LOXHD1: variants seen among roughly 807,000 people sequenced by gnomAD.
LOXHD1 encodes the protein lipoxygenase homology domain-containing protein 1.
In LOXHD1, 205 loss-of-function variants were observed where a neutral mutation model predicts 248.2. That is an observed-to-expected ratio of 0.83 (90% CI 0.74 to 0.93). The LOEUF (loss-of-function observed/expected upper bound fraction) is 0.93, where lower values mean the gene tolerates loss of function less well. Among genes scored for constraint, LOXHD1 ranks in the 40% least tolerant of loss-of-function variants. The pLI, the probability that LOXHD1 is intolerant of heterozygous loss-of-function variation, is 0.00. For missense variants in LOXHD1, 2,930 were observed against 2,971.6 expected (o/e 0.99, Z 0.33); for synonymous variants, 1,113 against 1,162.8 (o/e 0.96, Z 0.87).
chr18:46,656,846 AC>A (rs1939727139), intron 1 of LOXHD1, 57 bp downstream of exon 1: 1 of 1,532,594 alleles, frequency 6.5e-7, no homozygotes, highest in Non-Finnish European at 8.8e-7. Flanking sequence ...ACAGGAACAG[AC>A]CCCTGCCCAC....
chr18:46,527,283 C>A (rs2035870113), intron 29 of LOXHD1, among the ~76,000 whole-genome samples: 1 of 152,158 alleles, frequency 6.6e-6, no homozygotes, highest in African/African-American at 2.4e-5. Context: ...TAAAAATGGA[C>A]CTCTCAGCTG....
At chr18:46,508,296 C>A (rs1366745050) in intron 35 of LOXHD1, among the ~76,000 whole-genome samples, 1 of 152,116 alleles carries the variant, frequency 6.6e-6, no homozygotes, top group Non-Finnish European at 1.5e-5. Context: ...GAATTCTTAA[C>A]CCACAGTCCC....
chr18:46,487,992 A>T (rs1458555479), intron 38 of LOXHD1, among the ~76,000 whole-genome samples: 1 of 152,208 alleles, frequency 6.6e-6, no homozygotes, highest in Non-Finnish European at 1.5e-5. Flanking sequence ...CAAAGGAGGG[A>T]TGCTTCAATA....
intron 1 of LOXHD1, among the ~76,000 whole-genome samples, chr18:46,653,255 A>T (rs1286052094): frequency 2.0e-5 from 3 of 152,190 alleles, no homozygotes; most frequent in African/African-American, 7.2e-5. Flanking sequence ...TCAAAAAAAA[A>T]GTTTAAGAAC....
rs539498096 is a variant in LOXHD1, at chr18:46,547,163, TC to T, written c.3351-106del. The T allele has an allele frequency of 1.6e-4, 213 of 1,300,152 alleles. 1 individual carries two copies. The East Asian group carries it at 4.9e-3, about 30-fold the overall frequency. 80.5% of individuals were successfully genotyped at this position (1,300,152 alleles called of 1,614,324 possible). On this transcript the variant is annotated intron_variant, in intron 21 of 40. Coordinates refer to ENST00000642948, the MANE Select transcript of LOXHD1 (RefSeq NM_001384474.1). The stretch of plus-strand genomic sequence containing the variant: ...AGGCCCTCTATGGGGTCCCAAACTC[TC>T]CCCTGTCTGCCCCTGACAGCATTGC...
intron 34 of LOXHD1, among the ~76,000 whole-genome samples, chr18:46,513,402 T>C (rs997239905): frequency 6.6e-5 from 10 of 152,218 alleles, no homozygotes; most frequent in African/African-American, 2.4e-4. Context: ...GGGAGGTCTT[T>C]GCAGATGTAA....
Position 46,566,826 on chromosome 18 carries a change from T to C in LOXHD1, c.2245-377A>G, listed in dbSNP as rs199549776. On this transcript the variant is annotated intron_variant, in intron 16 of 40. Transcript: ENST00000642948. ...ATGTTTGCCATCACCTTCCAATAAC[T>C]GTGTTATTGATTTGGTTTGGTTTTG... Among the ~76,000 whole-genome samples, 7 of 152,356 alleles carry C rather than the reference T, an allele frequency of 4.6e-5. No individual in the cohort carries two copies. The East Asian group carries it at 1.4e-3, about 29-fold the overall frequency.
intron 7 of LOXHD1, 168 bp from the exon 8 acceptor site, chr18:46,601,635 C>T: frequency 1.2e-6 from 1 of 818,554 alleles, no homozygotes. Context: ...TCCCTCTCGA[C>T]CTCATTTCAT....
intron 12 of LOXHD1, among the ~76,000 whole-genome samples, chr18:46,583,663 A>G (rs1194585449): frequency 6.6e-6 from 1 of 152,180 alleles, no homozygotes; most frequent in Non-Finnish European, 1.5e-5. Context: ...TCTAGTTAGA[A>G]TGGCCATCAT....
At position 46,483,730 on chromosome 18, in the gene LOXHD1, C is replaced by G; in HGVS notation, c.6198G>C (p.Thr2066=). 1 of 1,549,808 alleles carries G rather than the reference C, an allele frequency of 6.5e-7. No individual in the cohort carries two copies. Among genetic ancestry groups the G allele is most frequent in the Non-Finnish European group, 8.7e-7 (1 of 1,145,902 alleles). The change falls in exon 40 of 41, where the codon ACG becomes ACC. Residue 2066 remains threonine (T), a synonymous_variant. Transcript: ENST00000642948. The part of the protein sequence containing the change: ...QRAFRKGTTD[T]FEFDSIYLGD... ...CCAAGTAGATGCTGTCAAACTCAAA[C>G]GTGTCTGTGGTCCCCCTGCAGGAAA...
At chr18:46,516,878 CCAT>C (rs2144065095) in intron 34 of LOXHD1, among the ~76,000 whole-genome samples, 1 of 152,162 alleles carries the variant, frequency 6.6e-6, no homozygotes, top group Admixed American at 6.5e-5. Context: ...ATCCCTATCA[CCAT>C]CATCACTACC....
At chr18:46,560,944 C>T (rs1253422550) in intron 18 of LOXHD1, among the ~76,000 whole-genome samples, 1 of 152,190 alleles carries the variant, frequency 6.6e-6, no homozygotes, top group African/African-American at 2.4e-5. Context: ...CCCTCCTCTA[C>T]TTGCAGCTAA....
chr18:46,558,929 G>T, intron 20 of LOXHD1: 1 of 380,490 alleles, frequency 2.6e-6, no homozygotes, highest in Non-Finnish European at 5.2e-6. Context: ...TATCCACTGG[G>T]GCTTAGCACC....
chr18:46,534,566 G>A, intron 26 of LOXHD1, 115 bp from the exon 27 acceptor site: 1 of 760,492 alleles, frequency 1.3e-6, no homozygotes, highest in East Asian at 2.7e-5. Context: ...ATTTCCTCCT[G>A]ATACGTCTCC....
chr18:46,497,417 A>G (rs562332), intron 37 of LOXHD1, among the ~76,000 whole-genome samples: 2 of 152,186 alleles, frequency 1.3e-5, no homozygotes, highest in African/African-American at 4.8e-5. Flanking sequence ...GCATAGTAGA[A>G]AAATGCATCA....
chr18:46,560,048 T>TCCCGCCCCCC, intron 19 of LOXHD1, 35 bp downstream of exon 19: 3 of 1,226,298 alleles, frequency 2.4e-6, no homozygotes, highest in Non-Finnish European at 2.3e-6. Flanking sequence ...GTCTGGCCAC[T>TCCCGCCCCCC]CCCTCCCCAC....
At chr18:46,479,697 G>T (rs2032383124) in intron 40 of LOXHD1, among the ~76,000 whole-genome samples, 1 of 149,928 alleles carries the variant, frequency 6.7e-6, no homozygotes, top group Non-Finnish European at 1.5e-5. Flanking sequence ...CTTCAGGAAT[G>T]CAACACTGAA....
At chr18:46,518,332 G>A in intron 33 of LOXHD1, 76 bp from the exon 34 acceptor site, 1 of 1,498,510 alleles carries the variant, frequency 6.7e-7, no homozygotes, top group Non-Finnish European at 9.0e-7. Flanking sequence ...AGTCTCACCA[G>A]AGAAAGAGAC....
chr18:46,601,186 A>G, intron 8 of LOXHD1, 31 bp downstream of exon 8: 3 of 1,541,188 alleles, frequency 1.9e-6, no homozygotes, highest in Non-Finnish European at 2.6e-6. Context: ...GGGTTGAATC[A>G]GGGAAGGCTG....
Sources: allele counts gnomAD v4.1 joint callset (sites outside exome capture counted in the v4.1 genomes callset), GRCh38; gene constraint gnomAD v4.1.1; transcripts MANE v1.5; gene names NCBI Gene and HGNC (gene_info 2026-07-23, HGNC 2026-07-21).